The following BIRC6 variants were observed in gnomAD, a reference collection of about 807,000 sequenced individuals.
BIRC6 encodes the protein baculoviral IAP repeat containing 6.
In BIRC6, 98 loss-of-function variants were observed where a neutral mutation model predicts 503.3. The observed-to-expected ratio is 0.19, with a 90% CI of 0.17 to 0.23. BIRC6 has a LOEUF of 0.23. Ranked by LOEUF, BIRC6 falls within the 10% of genes least tolerant of loss-of-function variation. BIRC6 has a pLI of 1.00. For missense variants in BIRC6, 5,360 were observed against 5,806.0 expected (o/e 0.92, Z 2.50); for synonymous variants, 2,240 against 2,078.7 (o/e 1.08, Z -2.11).
rs114636332 is a variant in BIRC6 at position 32,561,679 on chromosome 2, G to A, written c.13144+12198G>A. On this transcript the variant is annotated intron_variant, in intron 65 of 73. Transcript: ENST00000421745. ...CCTAAAGTTTTTTTTAAAGTTTCTG[G>A]GATTATCTTTTATGTTTATATGAAG... is the stretch of plus-strand genomic sequence containing the variant. Among the ~76,000 whole-genome samples the A allele has an allele frequency of 5.6e-3, 820 of 146,714 alleles. 11 individuals are homozygous for A. Among genetic ancestry groups the A allele is most frequent in the African/African-American group, 0.019 (773 of 39,796 alleles).
chr2:32,536,796 T>C (rs2057277325), intron 61 of BIRC6, among the ~76,000 whole-genome samples: 1 of 152,078 alleles, frequency 6.6e-6, no homozygotes, highest in East Asian at 1.9e-4. Context: ...CGGGCTCTTT[T>C]TTGGTTCCAT....
rs745329701 is a variant in BIRC6, at chr2:32,487,710, C to G, written c.7877C>G (p.Thr2626Ser). 9.3e-6 allele frequency: 15 copies of G among 1,613,514 alleles called. No homozygotes were observed. Among genetic ancestry groups the G allele is most frequent in the Admixed American group, 5.0e-5 (3 of 59,996 alleles). Residue 2626 changes from threonine (T) to serine (S), a missense_variant, in exon 41 of 74, where the codon ACC becomes AGC. Thr to Ser is a moderately conservative substitution (Grantham distance 58, BLOSUM62 1). Coordinates refer to ENST00000421745, the MANE Select transcript of BIRC6 (RefSeq NM_016252.4). ...GGGGGTTTACAAGCAGCAAACCAAA[C>G]CAGCCAGCTTATTATACAGTTATCA... ...LLGGLQAANQ[T>S]SQLIIQLSSV... is the part of the protein sequence containing the mutation.
chr2:32,507,932 T>C (rs1217866530), intron 50 of BIRC6, 48 bp from the exon 51 acceptor site: 1 of 1,553,220 alleles, frequency 6.4e-7, no homozygotes, highest in East Asian at 2.3e-5. Flanking sequence ...AACTGTTCAA[T>C]CTAGTATACT....
intron 65 of BIRC6, among the ~76,000 whole-genome samples, chr2:32,554,492 A>G (rs913568876): frequency 3.3e-5 from 5 of 152,194 alleles, no homozygotes; most frequent in Non-Finnish European, 7.4e-5. Context: ...AAAAATAAAA[A>G]TGAGTAAGTG....
chr2:32,467,710 A>C lies in BIRC6; in HGVS notation c.5542A>C (p.Ile1848Leu). 6.2e-7 allele frequency: 1 copy of C among 1,613,714 alleles called. No individual in the cohort carries two copies. Among genetic ancestry groups the C allele is most frequent in the Non-Finnish European group, 8.5e-7 (1 of 1,179,742 alleles). The stretch of plus-strand genomic sequence containing the variant: ...TCATTCACTAATTCTTCATGACTTA[A>C]TACCACCTCCCGTGTGCAGATTCAT... ...STHSLILHDL[I>L]PPPVCRFMKI... The change falls in exon 27 of 74, where the codon ATA (isoleucine) becomes CTA (leucine). Residue 1848 changes from isoleucine to leucine, a missense_variant. Coordinates refer to ENST00000421745, the MANE Select transcript of BIRC6 (RefSeq NM_016252.4).
chr2:32,360,009 A>T (rs1232774941), intron 1 of BIRC6, among the ~76,000 whole-genome samples: 1 of 152,208 alleles, frequency 6.6e-6, no homozygotes, highest in Non-Finnish European at 1.5e-5. Context: ...TTAATGATTA[A>T]TAGAGGGTGA....
At chr2:32,539,673 A>G (rs1312844383) in intron 61 of BIRC6, among the ~76,000 whole-genome samples, 1 of 152,176 alleles carries the variant, frequency 6.6e-6, no homozygotes, top group African/African-American at 2.4e-5. Context: ...GTCTATAGAG[A>G]GATTTTATAG....
chr2:32,423,082 G>A (rs1183807784), intron 10 of BIRC6, among the ~76,000 whole-genome samples: 2 of 152,050 alleles, frequency 1.3e-5, no homozygotes, highest in African/African-American at 4.8e-5. Flanking sequence ...TGGGATTACA[G>A]GCGTCTGGCT....
intron 65 of BIRC6, among the ~76,000 whole-genome samples, chr2:32,553,463 C>T (rs1050693546): frequency 1.3e-5 from 2 of 151,900 alleles, no homozygotes; most frequent in African/African-American, 2.4e-5. Flanking sequence ...TCTTGGCTCA[C>T]AGCAACCTCC....
chr2:32,471,202 A>T, intron 32 of BIRC6, 78 bp downstream of exon 32: 1 of 1,522,314 alleles, frequency 6.6e-7, no homozygotes, highest in African/African-American at 1.4e-5. Context: ...GTGACTTCGC[A>T]GTTGTTCCAG....
intron 65 of BIRC6, among the ~76,000 whole-genome samples, chr2:32,559,810 C>A (rs1317136069): frequency 6.6e-6 from 1 of 151,782 alleles, no homozygotes; most frequent in East Asian, 1.9e-4. Context: ...CACCTGAGTT[C>A]AAGGGTTTGC....
At chr2:32,522,014 G>A (rs1034416442) in intron 57 of BIRC6, 1 of 151,554 alleles carries the variant, frequency 6.6e-6, no homozygotes, top group Admixed American at 6.6e-5. Context: ...TATAATTACA[G>A]TTACTTATTA....
chr2:32,549,296 A>G lies in BIRC6; in HGVS notation c.12976-17A>G. On this transcript the variant is annotated splice_polypyrimidine_tract_variant and intron_variant, in intron 64 of 73. Coordinates refer to ENST00000421745, the MANE Select transcript of BIRC6 (RefSeq NM_016252.4). ...GTATGTGAAACTGAAATCCAAATTA[A>G]TTTCAACAATTTTTAGGTTCTTGCC... The G allele has an allele frequency of 7.0e-7, 1 of 1,421,416 alleles. No homozygotes were observed. The allele number at this position is 1,421,416 out of a possible 1,614,324, so 88.1% of individuals were successfully genotyped here. A position where few individuals can be genotyped will look rare whatever the true frequency, so the allele number is the denominator to read the frequency against.
chr2:32,551,166 A>G lies in BIRC6; in HGVS notation c.13144+1685A>G, dbSNP rs1239094081. Among the ~76,000 whole-genome samples, 5 of 151,788 alleles carry G rather than the reference A, an allele frequency of 3.3e-5. No homozygotes were observed. In the East Asian group the frequency reaches 9.7e-4, roughly 29 times the overall value. ...TATTAAATATGGATTGTTTTCAGGA[A>G]AACACAGCTTAATATAAGTATATAA... is the stretch of plus-strand genomic sequence containing the variant. On this transcript the variant is annotated intron_variant, in intron 65 of 73. Transcript: ENST00000421745.
At position 32,545,476 on chromosome 2, in the gene BIRC6, A is replaced by G. The variant is rs1433163076; in HGVS notation, c.12593-167A>G. ...GAGTTTTTCCTGATACTTATTCGTTATTAAATTTTAAGATATTACTGTTGT... is the reference window on the plus strand; with the variant it reads ...GAGTTTTTCCTGATACTTATTCGTTGTTAAATTTTAAGATATTACTGTTGT... On this transcript the variant is annotated intron_variant, in intron 62 of 73. Transcript: ENST00000421745. 2.6e-5 allele frequency among the ~76,000 whole-genome samples: 4 copies of G among 152,120 alleles called. No homozygotes were observed. In the East Asian group the frequency reaches 7.7e-4, roughly 29 times the overall value.
intron 10 of BIRC6, among the ~76,000 whole-genome samples, chr2:32,419,483 T>C (rs1317692135): frequency 2.0e-5 from 3 of 152,110 alleles, no homozygotes; most frequent in African/African-American, 7.2e-5. Context: ...ATTTCAAAAA[T>C]TGAGAGTTTA....
intron 66 of BIRC6, among the ~76,000 whole-genome samples, chr2:32,588,414 T>C (rs1017868706): frequency 6.6e-6 from 1 of 152,200 alleles, no homozygotes; most frequent in African/African-American, 2.4e-5. Flanking sequence ...GATGTACTTT[T>C]CTACTGTCTT....
intron 60 of BIRC6, 30 bp from the exon 61 acceptor site, chr2:32,531,325 C>G (rs376696169): frequency 2.3e-5 from 36 of 1,539,872 alleles, no homozygotes; most frequent in Non-Finnish European, 3.1e-5. Context: ...CCTTTCTTAC[C>G]TATTCAGTTA....
rs1055060322 is a variant in BIRC6 at position 32,574,160 on chromosome 2, CTTTTTTTT to C, written c.13145-984_13145-977del. Among the ~76,000 whole-genome samples, 33 of 124,684 alleles carry C rather than the reference CTTTTTTTT, an allele frequency of 2.6e-4. 1 individual carries two copies. Among genetic ancestry groups the C allele is most frequent in the Admixed American group, 5.9e-4 (7 of 11,960 alleles). The allele number at this position is 124,684 out of a possible 152,430, so 81.8% of individuals were successfully genotyped here. A position where few individuals can be genotyped will look rare whatever the true frequency, so the allele number is the denominator to read the frequency against. On this transcript the variant is annotated intron_variant, in intron 65 of 73. Coordinates refer to ENST00000421745, the MANE Select transcript of BIRC6 (RefSeq NM_016252.4). The stretch of plus-strand genomic sequence containing the variant: ...TTTGAGAATCCAAGTATAACTTTTT[CTTTTTTTT>C]TTTTTTTTTTTGAGGCGGGATTTTG...
Sources: allele counts gnomAD v4.1 joint callset (sites outside exome capture counted in the v4.1 genomes callset), GRCh38; gene constraint gnomAD v4.1.1; transcripts MANE v1.5; gene names NCBI Gene and HGNC (gene_info 2026-07-23, HGNC 2026-07-21).